LY6K: variants seen among roughly 807,000 people sequenced by gnomAD.
LY6K encodes lymphocyte antigen 6K.
Under a neutral mutation model 10.4 loss-of-function variants are expected in LY6K, and 9 were observed. That is an observed-to-expected ratio of 0.87 (90% CI 0.52 to 1.52). The LOEUF is 1.52. Among genes scored for constraint, LY6K ranks in the 40% most tolerant of loss-of-function variants. The probability of loss-of-function intolerance (pLI) is 0.00; values close to 1 mark genes in which losing one functional copy is unlikely to be tolerated. For synonymous variants in LY6K, 98 were observed against 83.7 expected (o/e 1.17, Z -0.94); for missense variants, 217 against 211.7 (o/e 1.02, Z -0.15).
chr8:142,703,415 G>A lies in LY6K; in HGVS notation c.*44G>A, dbSNP rs141099446. The A allele has an allele frequency of 1.7e-4, 265 of 1,568,856 alleles. 1 individual carries two copies. Among genetic ancestry groups the A allele is most frequent in the South Asian group, 1.7e-3 (142 of 85,960 alleles). On this transcript the variant is annotated 3_prime_UTR_variant, in exon 3 of 3. Coordinates refer to ENST00000292430, the MANE Select transcript of LY6K (RefSeq NM_017527.4). ...ACTGAGCCTTCCGGAGCATGGACTCGCTCCAGACCGTTGTCACCTGTTGCA... is the reference window on the plus strand; with the variant it reads ...ACTGAGCCTTCCGGAGCATGGACTCACTCCAGACCGTTGTCACCTGTTGCA...
At chr8:142,701,223 G>A (rs995654415) in intron 1 of LY6K, among the ~76,000 whole-genome samples, 7 of 152,212 alleles carry the variant, frequency 4.6e-5, no homozygotes, top group Non-Finnish European at 4.4e-5. Context: ...TGGGAGGACG[G>A]GGGAGCCCCC....
rs587756883 is a variant in LY6K at position 142,704,658 on chromosome 8, T to G, written c.*1287T>G. 6.6e-6 allele frequency: 1 copy of G among 152,366 alleles called. No individual in the cohort carries two copies. The highest frequency in any genetic ancestry group is 6.5e-5 in the Admixed American group (1 of 15,302). The allele number at this position is 152,366 out of a possible 1,614,324, so 9.4% of individuals were successfully genotyped here. A position where few individuals can be genotyped will look rare whatever the true frequency, so the allele number is the denominator to read the frequency against. On this transcript the variant is annotated 3_prime_UTR_variant, in exon 3 of 3. Transcript: ENST00000292430. Reference sequence around the variant, plus strand: ...ATGCCTTGAGCATTCACAAAACGGTTGCCACGACCTTTGCCCTTGACATGT... The same window carrying G: ...ATGCCTTGAGCATTCACAAAACGGTGGCCACGACCTTTGCCCTTGACATGT...
Position 142,700,353 on chromosome 8 carries a change from G to T in LY6K, c.-175G>T. 1 of 1,328,938 alleles carries T rather than the reference G, an allele frequency of 7.5e-7. No individual in the cohort carries two copies. The allele number at this position is 1,328,938 out of a possible 1,614,324, so 82.3% of individuals were successfully genotyped here. A position where few individuals can be genotyped will look rare whatever the true frequency, so the allele number is the denominator to read the frequency against. On this transcript the variant is annotated 5_prime_UTR_variant, in exon 1 of 3. Coordinates refer to ENST00000292430, the MANE Select transcript of LY6K (RefSeq NM_017527.4). ...GCCGCCAGCGGCCGCGAGGCCCTGA[G>T]ATGAGGCTCCAAAGACCCCGACAGG...
At chr8:142,701,466 T>C (rs1255458018) in intron 1 of LY6K, 134 bp from the exon 2 acceptor site, 2 of 655,532 alleles carry the variant, frequency 3.1e-6, no homozygotes, top group Non-Finnish European at 5.6e-6. Context: ...ACTCGAGTCA[T>C]GTGGCCCCAG....
Position 142,700,476 on chromosome 8 carries a change from G to T in LY6K, c.-52G>T, listed in dbSNP as rs1554639913. ...CGCGGAGGCTGCGAAGGTTCCAGAA[G>T]GGCGGGGAGGGGGCGCCGCGCGCTG... On this transcript the variant is annotated 5_prime_UTR_variant, in exon 1 of 3. In the 5' UTR this introduces an upstream ATG that the reference lacks. Coordinates refer to ENST00000292430, the MANE Select transcript of LY6K (RefSeq NM_017527.4). 6.5e-7 allele frequency: 1 copy of T among 1,531,338 alleles called. No homozygotes were observed. Among genetic ancestry groups the T allele is most frequent in the African/African-American group, 1.4e-5 (1 of 70,310 alleles). The allele number at this position is 1,531,338 out of a possible 1,614,324, so 94.9% of individuals were successfully genotyped here. A position where few individuals can be genotyped will look rare whatever the true frequency, so the allele number is the denominator to read the frequency against.
Position 142,700,423 on chromosome 8 carries a change from C to G in LY6K, c.-105C>G. 7.2e-7 allele frequency: 1 copy of G among 1,380,904 alleles called. No homozygotes were observed. The highest frequency in any genetic ancestry group is 9.4e-7 in the Non-Finnish European group (1 of 1,068,788). 85.5% of individuals were successfully genotyped at this position (1,380,904 alleles called of 1,614,324 possible). ...CGCGCCCCGGGGCGGGCGGGGCTCC[C>G]CCTACCGGCCAGACCCGGGGAGAGG... is the stretch of plus-strand genomic sequence containing the variant. On this transcript the variant is annotated 5_prime_UTR_variant, in exon 1 of 3. Transcript: ENST00000292430.
chr8:142,701,903 G>C, intron 2 of LY6K, 190 bp downstream of exon 2: 1 of 513,612 alleles, frequency 1.9e-6, no homozygotes, highest in Non-Finnish European at 3.5e-6. Context: ...CTCGCCTTCC[G>C]GGTTCAAGCG....
chr8:142,702,248 A>G (rs1815069876), intron 2 of LY6K: 1 of 532,196 alleles, frequency 1.9e-6, no homozygotes, highest in South Asian at 2.6e-5. Context: ...TGGATTTCAT[A>G]TCATCCATTT....
chr8:142,702,829 T>C (rs1255808835), intron 2 of LY6K: 76 of 1,509,750 alleles, frequency 5.0e-5, no homozygotes, highest in Non-Finnish European at 6.8e-5. Context: ...TTGAGACCTG[T>C]TTGTTCCCAA....
rs1171247917 is a variant in LY6K at position 142,701,639 on chromosome 8, GAGAA to G, written c.145_148del (p.Glu49ThrfsTer20). 3 of 1,614,006 alleles carry G rather than the reference GAGAA, an allele frequency of 1.9e-6. No homozygotes were observed. Among genetic ancestry groups the G allele is most frequent in the Non-Finnish European group, 2.5e-6 (3 of 1,179,914 alleles). On this transcript the variant is annotated frameshift_variant, in exon 2 of 3. Transcript: ENST00000292430. LOFTEE classifies it high-confidence loss of function. ...AGAGTGTGGTGTCATGTTTGTGAGA[GAGAA>G]AACACTTTCGAGTGCCAGAACCCAA... is the stretch of plus-strand genomic sequence containing the variant.
At position 142,704,935 on chromosome 8, in the gene LY6K, T is replaced by A. The variant is rs1554640707; in HGVS notation, c.*1564T>A. ...TACTCAACTTTAATTTCAGTCAGAA[T>A]TGTGTAAGCTGAACACCTTGGGATA... On this transcript the variant is annotated 3_prime_UTR_variant, in exon 3 of 3. Transcript: ENST00000292430. 1 of 152,174 alleles carries A rather than the reference T, an allele frequency of 6.6e-6. No individual in the cohort carries two copies. The highest frequency in any genetic ancestry group is 1.9e-4 in the East Asian group (1 of 5,202). The allele number at this position is 152,174 out of a possible 1,614,324, so 9.4% of individuals were successfully genotyped here.
rs145529778 is a variant in LY6K at position 142,701,711 on chromosome 8, T to A, written c.215T>A (p.Val72Glu). ...GAGCCATACTGCGTTATAGCGGCCGTGAGTGAGTATCTTCGCTCTTGTTGG... is the reference window on the plus strand; with the variant it reads ...GAGCCATACTGCGTTATAGCGGCCGAGAGTGAGTATCTTCGCTCTTGTTGG... Reference protein sequence around the residue: ...WTEPYCVIAAVKIFPRFFMVA... With the variant: ...WTEPYCVIAAEKIFPRFFMVA... The change falls in exon 2 of 3, where the codon GTG becomes GAG. Residue 72 changes from valine to glutamate, a missense_variant and splice_region_variant. Coordinates refer to ENST00000292430, the MANE Select transcript of LY6K (RefSeq NM_017527.4). The A allele has an allele frequency of 1.5e-4, 240 of 1,605,094 alleles. 1 individual carries two copies. In the Middle Eastern group the frequency reaches 2.5e-3, roughly 17 times the overall value.
chr8:142,702,232 A>C, intron 2 of LY6K: 1 of 514,652 alleles, frequency 1.9e-6, no homozygotes, highest in Non-Finnish European at 3.5e-6. Flanking sequence ...AGGTAGGAAG[A>C]AAATCTGGAT....
rs1242200659 is a variant in LY6K, at chr8:142,700,210, T to C, written c.-318T>C. 3 of 657,998 alleles carry C rather than the reference T, an allele frequency of 4.6e-6. No individual in the cohort carries two copies. Among genetic ancestry groups the C allele is most frequent in the East Asian group, 6.9e-5 (1 of 14,552 alleles). The allele number at this position is 657,998 out of a possible 1,614,324, so 40.8% of individuals were successfully genotyped here. The stretch of plus-strand genomic sequence containing the variant: ...CGTGGGGTCCTCAAGGAGACGGCCC[T>C]TGGGCTCAGGGGCTGCGTTTCCACA... On this transcript the variant is annotated 5_prime_UTR_variant, in exon 1 of 3. Coordinates refer to ENST00000292430, the MANE Select transcript of LY6K (RefSeq NM_017527.4).
intron 1 of LY6K, among the ~76,000 whole-genome samples, chr8:142,700,864 G>C (rs920367491): frequency 6.6e-6 from 1 of 152,038 alleles, no homozygotes. Context: ...GCGCTTCCCC[G>C]GGAGCCCTCA....
rs781896885 is a variant in LY6K at position 142,701,691 on chromosome 8, A to G, written c.195A>G (p.Pro65=). 7.7e-5 allele frequency: 124 copies of G among 1,613,428 alleles called. No homozygotes were observed. Among genetic ancestry groups the G allele is most frequent in the Non-Finnish European group, 9.6e-5 (113 of 1,179,546 alleles). Reference sequence around the variant, plus strand: ...CAAGGAGGTGCAAATGGACAGAGCCATACTGCGTTATAGCGGCCGTGAGTG... The same window carrying G: ...CAAGGAGGTGCAAATGGACAGAGCCGTACTGCGTTATAGCGGCCGTGAGTG... ...QNPRRCKWTE[P]YCVIAAVKIF... The change falls in exon 2 of 3, where the codon CCA becomes CCG. Residue 65 remains proline (P), a synonymous_variant. Coordinates refer to ENST00000292430, the MANE Select transcript of LY6K (RefSeq NM_017527.4).
intron 1 of LY6K, among the ~76,000 whole-genome samples, chr8:142,701,112 C>T (rs1345759832): frequency 6.6e-6 from 1 of 151,754 alleles, no homozygotes; most frequent in Non-Finnish European, 1.5e-5. Flanking sequence ...AGCCGTCGGC[C>T]GGGAGATGCC....
chr8:142,700,596 G>T lies in LY6K; in HGVS notation c.69G>T (p.Ala23=). 1 of 1,574,912 alleles carries T rather than the reference G, an allele frequency of 6.3e-7. No individual in the cohort carries two copies. Among genetic ancestry groups the T allele is most frequent in the Non-Finnish European group, 8.6e-7 (1 of 1,163,068 alleles). ...TGTGGACAGACGCCAACCTGACTGC[G>T]AGACAACGAGATCCAGAGGACTCCC... ...PRVWTDANLT[A]RQRDPEDSQR... Residue 23 remains alanine, a synonymous_variant, in exon 1 of 3, where the codon GCG becomes GCT. Coordinates refer to ENST00000292430, the MANE Select transcript of LY6K (RefSeq NM_017527.4).
rs2585152 is a variant in LY6K at position 142,704,796 on chromosome 8, A to T, written c.*1425A>T. 74,732 of 152,026 alleles carry T rather than the reference A, an allele frequency of 0.49. 18,618 individuals are homozygous for T. Among genetic ancestry groups the T allele is most frequent in the African/African-American group, 0.57 (23,816 of 41,466 alleles). 9.4% of individuals were successfully genotyped at this position (152,026 alleles called of 1,614,324 possible). A position where few individuals can be genotyped will look rare whatever the true frequency, so the allele number is the denominator to read the frequency against. ...ACATTTCATCTCCGGCTATAATTAT[A>T]TGAAGAAATGCTTCAGGATCTTGAT... On this transcript the variant is annotated 3_prime_UTR_variant, in exon 3 of 3. Coordinates refer to ENST00000292430, the MANE Select transcript of LY6K (RefSeq NM_017527.4).
Sources: allele counts gnomAD v4.1 joint callset (sites outside exome capture counted in the v4.1 genomes callset), GRCh38; gene constraint gnomAD v4.1.1; transcripts MANE v1.5; gene names NCBI Gene and HGNC (gene_info 2026-07-23, HGNC 2026-07-21).